Variants in PRAMEF4 observed in about 807,000 individuals in gnomAD.
The protein encoded by PRAMEF4 is RP5-845O24.6.
A neutral mutation model predicts 34.4 loss-of-function variants in PRAMEF4; 18 were observed. The observed-to-expected ratio is 0.52, with a 90% CI of 0.36 to 0.78. PRAMEF4 has a LOEUF of 0.78. Among genes scored for constraint, PRAMEF4 ranks in the 30% least tolerant of loss-of-function variants. The pLI is 0.00. For synonymous variants in PRAMEF4, 156 were observed against 219.3 expected, an observed-to-expected ratio of 0.71 and a Z score of 2.55; for missense variants, 482 against 569.1, an observed-to-expected ratio of 0.85 and a Z score of 1.56.
rs28599804 is a variant in PRAMEF4 at position 12,879,727 on chromosome 1, G to T, written c.1254C>A (p.Pro418=). The change falls in exon 4 of 4, where the codon CCC becomes CCA. Residue 418 remains proline (P), a synonymous_variant. Coordinates refer to ENST00000235349, the MANE Select transcript of PRAMEF4 (RefSeq NM_001009611.4). ...KNLCVELYPA[P]RESYGADGTL... Reference sequence around the variant, plus strand: ...TACCATCAGCACCATAACTCTCCCGGGGGGCAGGATACAGCTCCACGCATA... The same window carrying T: ...TACCATCAGCACCATAACTCTCCCGTGGGGCAGGATACAGCTCCACGCATA... 2.5e-3 allele frequency: 4,052 copies of T among 1,598,794 alleles called. 305 individuals carry two copies. The highest frequency in any genetic ancestry group is 3.1e-3 in the Non-Finnish European group (3,665 of 1,172,394).
At chr1:12,884,942 G>A (rs1640971160) in intron 1 of PRAMEF4, among the ~76,000 whole-genome samples, 1 of 150,312 alleles carries the variant, frequency 6.7e-6, no homozygotes, top group Non-Finnish European at 1.5e-5. Context: ...ACAGGGAAGG[G>A]TTGAATCTCT....
chr1:12,880,423 A>T (rs1463024747), intron 3 of PRAMEF4, among the ~76,000 whole-genome samples: 90 of 150,312 alleles, frequency 6.0e-4, no homozygotes, highest in African/African-American at 2.0e-3. Flanking sequence ...TAAAAATCCA[A>T]AAATTAGCCA....
chr1:12,885,861 A>C (rs1346751034), intron 1 of PRAMEF4, among the ~76,000 whole-genome samples: 1 of 136,540 alleles, frequency 7.3e-6, no homozygotes, highest in African/African-American at 2.9e-5. Flanking sequence ...CCCTGGGCTG[A>C]AATGATCCTC....
At chr1:12,885,399 C>T (rs990262932) in intron 1 of PRAMEF4, among the ~76,000 whole-genome samples, 3 of 149,934 alleles carry the variant, frequency 2.0e-5, no homozygotes, top group Non-Finnish European at 4.4e-5. Context: ...CTCTTTTGCC[C>T]AGGCTGGAGT....
At chr1:12,881,702 A>T in intron 3 of PRAMEF4, 152 bp downstream of exon 3, 4 of 1,316,830 alleles carry the variant, frequency 3.0e-6, no homozygotes, top group South Asian at 1.4e-5. Context: ...TACCCATTTC[A>T]GGACAGGGCC....
chr1:12,884,626 G>A (rs1190921119), intron 1 of PRAMEF4, among the ~76,000 whole-genome samples: 1 of 147,472 alleles, frequency 6.8e-6, no homozygotes, highest in Non-Finnish European at 1.5e-5. Flanking sequence ...GAGGTAGGAG[G>A]ATCACTTGAA....
rs11576369 is a variant in PRAMEF4, at chr1:12,883,034, T to A, written c.293+68A>T. ...CATCCCCCTTGGGCCTCCTCACTTC[T>A]CACGACCCAGCTGTTCCTTCAGTTG... On this transcript the variant is annotated intron_variant, in intron 2 of 3. Transcript: ENST00000235349. 106 of 1,579,830 alleles carry A rather than the reference T, an allele frequency of 6.7e-5. 4 individuals are homozygous for A. The highest frequency in any genetic ancestry group is 4.9e-4 in the South Asian group (44 of 88,920).
intron 1 of PRAMEF4, among the ~76,000 whole-genome samples, chr1:12,885,100 C>T (rs1640974743): frequency 6.6e-6 from 1 of 150,896 alleles, no homozygotes; most frequent in South Asian, 2.1e-4. Context: ...TAGAAATCTT[C>T]ATGTATCCGA....
chr1:12,881,658 T>A (rs1322565910), intron 3 of PRAMEF4, among the ~76,000 whole-genome samples, 196 bp downstream of exon 3: 3 of 143,140 alleles, frequency 2.1e-5, no homozygotes, highest in African/African-American at 2.7e-5. Flanking sequence ...CTCCCCTAGC[T>A]GATCCCTCTG....
rs187103780 is a variant in PRAMEF4, at chr1:12,881,014, T to G, written c.875+840A>C. Among the ~76,000 whole-genome samples, 661 of 148,242 alleles carry G rather than the reference T, an allele frequency of 4.5e-3. 38 individuals carry two copies. The highest frequency in any genetic ancestry group is 0.01 in the Middle Eastern group (3 of 288). ...GATTTTCTGACAAGTGCAGGTTTGC[T>G]GAACATTCCCCTCTTCAGTGCCCAC... On this transcript the variant is annotated intron_variant, in intron 3 of 3. Transcript: ENST00000235349.
intron 1 of PRAMEF4, among the ~76,000 whole-genome samples, chr1:12,885,117 C>T (rs1306825058): frequency 6.6e-6 from 1 of 150,652 alleles, no homozygotes; most frequent in African/African-American, 2.4e-5. Context: ...CCGATGATCA[C>T]CTGGGTCATA....
chr1:12,881,758 T>C, intron 3 of PRAMEF4, 96 bp downstream of exon 3: 4 of 1,496,074 alleles, frequency 2.7e-6, no homozygotes, highest in Non-Finnish European at 3.6e-6. Context: ...CTTCACTGTT[T>C]CATCCTCATA....
chr1:12,879,979 T>A lies in PRAMEF4; in HGVS notation c.1002A>T (p.Arg334Ser). ...QLKTLDLSGI[R>S]LTNYSLVPLQ... is the part of the protein sequence containing the mutation. ...GAGGCACAAGACTGTAATTGGTCAGTCTGATGCCACTCAGGTCCAGGGTCT... is the reference window on the plus strand; with the variant it reads ...GAGGCACAAGACTGTAATTGGTCAGACTGATGCCACTCAGGTCCAGGGTCT... Residue 334 changes from arginine to serine, a missense_variant, in exon 4 of 4, where the codon AGA becomes AGT. By Grantham distance (110) the Arg-to-Ser change is moderately radical. Coordinates refer to ENST00000235349, the MANE Select transcript of PRAMEF4 (RefSeq NM_001009611.4). 1 of 1,606,790 alleles carries A rather than the reference T, an allele frequency of 6.2e-7. No individual in the cohort carries two copies. The highest frequency in any genetic ancestry group is 8.5e-7 in the Non-Finnish European group (1 of 1,177,462).
At position 12,884,990 on chromosome 1, in the gene PRAMEF4, A is replaced by G. The variant is rs557766685; in HGVS notation, c.-17+1157T>C. On this transcript the variant is annotated intron_variant, in intron 1 of 3. Transcript: ENST00000235349. ...ACAGAAAGAAAGAAAACTTGAAAGTATCTTTGTTGAGGGATCCTTGGCCAC... is the reference window on the plus strand; with the variant it reads ...ACAGAAAGAAAGAAAACTTGAAAGTGTCTTTGTTGAGGGATCCTTGGCCAC... Among the ~76,000 whole-genome samples the G allele has an allele frequency of 2.7e-3, 407 of 150,614 alleles. 2 individuals are homozygous for G. The highest frequency in any genetic ancestry group is 9.6e-3 in the African/African-American group (394 of 40,854).
chr1:12,883,883 CTCTT>C lies in PRAMEF4; in HGVS notation c.-16-477_-16-474del, dbSNP rs201972565. On this transcript the variant is annotated intron_variant, in intron 1 of 3. Transcript: ENST00000235349. ...ATTTAAGCTTGCTTTCTCTTTCTCT[CTCTT>C]TCTTCTTTCCTTCTTTCCCTCTCTC... 1.5e-4 allele frequency among the ~76,000 whole-genome samples: 21 copies of C among 139,360 alleles called. 2 individuals carry two copies. The highest frequency in any genetic ancestry group is 2.3e-4 in the Admixed American group (3 of 13,294). The allele number at this position is 139,360 out of a possible 152,430, so 91.4% of individuals were successfully genotyped here. A position where few individuals can be genotyped will look rare whatever the true frequency, so the allele number is the denominator to read the frequency against.
At chr1:12,883,027 T>G in intron 2 of PRAMEF4, 75 bp downstream of exon 2, 8 of 1,572,364 alleles carry the variant, frequency 5.1e-6, no homozygotes, top group Non-Finnish European at 6.9e-6. Flanking sequence ...TTGGGCCTCC[T>G]CACTTCTCAC....
chr1:12,883,946 C>T (rs1355656026), intron 1 of PRAMEF4, among the ~76,000 whole-genome samples: 3 of 142,594 alleles, frequency 2.1e-5, no homozygotes, highest in Non-Finnish European at 4.6e-5. Flanking sequence ...CCTCTCTCTC[C>T]CTTTTTTCTT....
rs765823906 is a variant in PRAMEF4 at position 12,879,855 on chromosome 1, G to A, written c.1126C>T (p.Leu376=). The change falls in exon 4 of 4, where the codon CTG becomes TTG. Residue 376 remains leucine (L), a synonymous_variant. Transcript: ENST00000235349. ...DSQVNAILPA[L]SRCFELNTFS... is the part of the protein sequence containing the mutation. ...GTGTTGAGCTCAAAGCAGCGGCTCA[G>A]GGCAGGCAAGATGGCGTTGACTTGG... is the stretch of plus-strand genomic sequence containing the variant. 6.3e-7 allele frequency: 1 copy of A among 1,599,550 alleles called. No individual in the cohort carries two copies. The highest frequency in any genetic ancestry group is 8.5e-7 in the Non-Finnish European group (1 of 1,173,538).
chr1:12,883,105 G>C lies in PRAMEF4; in HGVS notation c.290C>G (p.Pro97Arg). 6.2e-7 allele frequency: 1 copy of C among 1,601,102 alleles called. No homozygotes were observed. The highest frequency in any genetic ancestry group is 8.5e-7 in the Non-Finnish European group (1 of 1,174,212). Residue 97 changes from proline to arginine, a missense_variant, in exon 2 of 4, where the codon CCC becomes CGC. Coordinates refer to ENST00000235349, the MANE Select transcript of PRAMEF4 (RefSeq NM_001009611.4). Reference protein sequence around the residue: ...LDALLNLGVRPRRWKLQVLDL... With the variant: ...LDALLNLGVRRRRWKLQVLDL... ...CAGCCCACCTGGGCCACCTCACCTGGGACGAACCCCTAGGTTAAGCAGTGC... is the reference window on the plus strand; with the variant it reads ...CAGCCCACCTGGGCCACCTCACCTGCGACGAACCCCTAGGTTAAGCAGTGC...
Sources: allele counts gnomAD v4.1 joint callset (sites outside exome capture counted in the v4.1 genomes callset), GRCh38; gene constraint gnomAD v4.1.1; transcripts MANE v1.5; gene names NCBI Gene and HGNC (gene_info 2026-07-23, HGNC 2026-07-21).